The following MTMR1 variants were observed in gnomAD, a reference collection of about 807,000 sequenced individuals.
The protein encoded by MTMR1 is myotubularin related protein 1.
Under a neutral mutation model 51.6 loss-of-function variants are expected in MTMR1, and 17 were observed. The observed-to-expected ratio is 0.33, with a 90% CI of 0.23 to 0.49. MTMR1 has a LOEUF of 0.49. MTMR1 is among the 20% of genes least tolerant of loss of function. MTMR1 has a pLI of 0.99. For synonymous variants in MTMR1, 201 were observed against 205.6 expected (o/e 0.98, Z 0.19); for missense variants, 386 against 526.9 (o/e 0.73, Z 2.62).
intron 14 of MTMR1, chrX:150,751,140 A>G (rs2042720158): frequency 1.0e-6 from 1 of 966,516 alleles, no homozygotes; most frequent in East Asian, 5.6e-5. Flanking sequence ...ACCAACTCCA[A>G]AACCGTGGGA....
chrX:150,701,512 T>G (rs1557415926), intron 2 of MTMR1, among the ~76,000 whole-genome samples: 1 of 112,568 alleles, frequency 8.9e-6, no homozygotes, highest in Non-Finnish European at 1.9e-5. Context: ...TGGGAGCAGA[T>G]GTTTATGTGG....
At chrX:150,702,836 A>G (rs782724722) in intron 2 of MTMR1, among the ~76,000 whole-genome samples, 3 of 112,263 alleles carry the variant, frequency 2.7e-5, no homozygotes, top group Admixed American at 9.4e-5. Flanking sequence ...TTTGGCAAGC[A>G]TTGTCCCAGC....
chrX:150,748,682 A>G (rs1489488470), intron 13 of MTMR1, among the ~76,000 whole-genome samples: 1 of 110,166 alleles, frequency 9.1e-6, no homozygotes, highest in Non-Finnish European at 1.9e-5. Context: ...CAAAAAACAA[A>G]AAAAAACTAG....
At chrX:150,722,197 A>G (rs2041772973) in intron 4 of MTMR1, among the ~76,000 whole-genome samples, 1 of 112,052 alleles carries the variant, frequency 8.9e-6, no homozygotes, top group Non-Finnish European at 1.9e-5. Flanking sequence ...TTCTACATGC[A>G]GTTGAAAAGA....
At chrX:150,699,155 C>A in intron 1 of MTMR1, 40 bp from the exon 2 acceptor site, 1 of 944,316 alleles carries the variant, frequency 1.1e-6, no homozygotes, top group Admixed American at 2.8e-5. Context: ...CACTGAGATC[C>A]TATGATATAA....
At chrX:150,693,744 C>CCGCCCCCT in intron 1 of MTMR1, 68 bp downstream of exon 1, 1 of 689,632 alleles carries the variant, frequency 1.5e-6, no homozygotes, top group South Asian at 7.4e-5. Context: ...CGAGGCCAGC[C>CCGCCCCCT]CGCCCCCTCC....
intron 4 of MTMR1, among the ~76,000 whole-genome samples, chrX:150,724,332 A>G (rs782052180): frequency 1.8e-5 from 2 of 109,845 alleles, no homozygotes; most frequent in Non-Finnish European, 3.8e-5. Flanking sequence ...CATTTCTCTA[A>G]TGTTCAGTGA....
intron 2 of MTMR1, among the ~76,000 whole-genome samples, chrX:150,700,921 AG>A (rs1442543726): frequency 8.9e-6 from 1 of 112,731 alleles, no homozygotes; most frequent in Non-Finnish European, 1.9e-5. Context: ...TTTAACATGA[AG>A]CAACTAAGTT....
rs1324895562 is a variant in MTMR1, at chrX:150,764,349, C to A, written c.*1620C>A. 8.9e-6 allele frequency: 1 copy of A among 112,296 alleles called. No homozygotes were observed. The highest frequency in any genetic ancestry group is 1.9e-5 in the Non-Finnish European group (1 of 53,271). The allele number at this position is 112,296 out of a possible 1,213,427, so 9.3% of individuals were successfully genotyped here. A position where few individuals can be genotyped will look rare whatever the true frequency, so the allele number is the denominator to read the frequency against. Reference sequence around the variant, plus strand: ...TCAAGGTAATTTGATAACCTAAAATCAATTCTCCATTTTTTATCATATGTG... The same window carrying A: ...TCAAGGTAATTTGATAACCTAAAATAAATTCTCCATTTTTTATCATATGTG... On this transcript the variant is annotated 3_prime_UTR_variant, in exon 16 of 16. Coordinates refer to ENST00000445323, the MANE Select transcript of MTMR1 (RefSeq NM_001306144.3).
At chrX:150,716,467 C>T (rs1312330893) in intron 3 of MTMR1, among the ~76,000 whole-genome samples, 2 of 112,841 alleles carry the variant, frequency 1.8e-5, no homozygotes, top group African/African-American at 6.4e-5. Flanking sequence ...TAATCGTTCT[C>T]CACACCTACC....
At chrX:150,732,810 A>C in intron 10 of MTMR1, 80 bp downstream of exon 10, 102 of 939,135 alleles carry the variant, frequency 1.1e-4, no homozygotes, top group Non-Finnish European at 1.3e-4. Context: ...GGAATAACTC[A>C]TTGATTTCCT....
intron 15 of MTMR1, among the ~76,000 whole-genome samples, chrX:150,760,392 G>C (rs182246454): frequency 1.7e-4 from 19 of 111,270 alleles, no homozygotes; most frequent in African/African-American, 3.6e-4. Flanking sequence ...GAAGGCAGTG[G>C]CTCGATTGGC....
intron 13 of MTMR1, among the ~76,000 whole-genome samples, chrX:150,748,074 G>A (rs1275503473): frequency 1.8e-5 from 2 of 111,311 alleles, no homozygotes; most frequent in African/African-American, 3.3e-5. Flanking sequence ...ATTGTAACCT[G>A]ACATCATGGA....
chrX:150,764,233 G>T lies in MTMR1; in HGVS notation c.*1504G>T, dbSNP rs1557418310. ...AAAATATGTTAAGGGTTTTTTCGTA[G>T]AGAGAGAAAGAATGGATTTTTTTTT... On this transcript the variant is annotated 3_prime_UTR_variant, in exon 16 of 16. Coordinates refer to ENST00000445323, the MANE Select transcript of MTMR1 (RefSeq NM_001306144.3). 1.8e-5 allele frequency: 2 copies of T among 111,009 alleles called. No homozygotes were observed. The highest frequency in any genetic ancestry group is 6.6e-5 in the African/African-American group (2 of 30,398). 9.1% of individuals were successfully genotyped at this position (111,009 alleles called of 1,213,427 possible). A position where few individuals can be genotyped will look rare whatever the true frequency, so the allele number is the denominator to read the frequency against.
chrX:150,729,362 T>C (rs1466618208), intron 6 of MTMR1, among the ~76,000 whole-genome samples: 1 of 111,844 alleles, frequency 8.9e-6, no homozygotes, highest in African/African-American at 3.3e-5. Context: ...AGGGAGGGCA[T>C]GTCAGGAAAT....
intron 2 of MTMR1, among the ~76,000 whole-genome samples, chrX:150,703,044 A>G (rs1457397540): frequency 8.9e-5 from 10 of 112,537 alleles, no homozygotes; most frequent in African/African-American, 3.2e-4. Flanking sequence ...AAATGGTAAA[A>G]AATTTCTCTT....
At chrX:150,746,283 G>T (rs1167893378) in intron 13 of MTMR1, among the ~76,000 whole-genome samples, 1 of 111,912 alleles carries the variant, frequency 8.9e-6, no homozygotes, top group Admixed American at 9.5e-5. Flanking sequence ...CTGATGGCCA[G>T]GTCACAGGTG....
At chrX:150,755,139 C>CA (rs1350331443) in intron 14 of MTMR1, among the ~76,000 whole-genome samples, 1 of 111,334 alleles carries the variant, frequency 9.0e-6, no homozygotes, top group African/African-American at 3.3e-5. Flanking sequence ...ACTACAGCCT[C>CA]AAACTCCTGG....
chrX:150,731,558 C>G lies in MTMR1; in HGVS notation c.830C>G (p.Thr277Ser). Residue 277 changes from threonine (T) to serine (S), a missense_variant, in exon 9 of 16, where the codon ACT becomes AGT. Transcript: ENST00000445323. ...TACCCTGCCATCATTGTTGTGCCAA[C>G]TAGTGTAAAAGATGATGACCTTTCA... is the stretch of plus-strand genomic sequence containing the variant. ...DTYPAIIVVPTSVKDDDLSKV... is the reference protein window; with the variant it reads ...DTYPAIIVVPSSVKDDDLSKV... 8.3e-7 allele frequency: 1 copy of G among 1,208,916 alleles called. No homozygotes were observed. Among genetic ancestry groups the G allele is most frequent in the Non-Finnish European group, 1.1e-6 (1 of 893,914 alleles).
Sources: gnomAD v4.1 joint callset for allele counts (sites outside exome capture counted in the v4.1 genomes callset) on GRCh38, gnomAD v4.1.1 for gene constraint, MANE v1.5 for transcripts, NCBI Gene and HGNC (gene_info 2026-07-23, HGNC 2026-07-21) for gene names.